KIRREL3: variants seen among roughly 807,000 people sequenced by gnomAD.
KIRREL3 encodes the protein kin of IRRE-like protein 3.
Under a neutral mutation model 89.7 loss-of-function variants are expected in KIRREL3, and 36 were observed. That is an observed-to-expected ratio of 0.40 (90% CI 0.31 to 0.53). The LOEUF (loss-of-function observed/expected upper bound fraction) is 0.53. Ranked by LOEUF, KIRREL3 falls within the 20% of genes least tolerant of loss-of-function variation. The probability of loss-of-function intolerance (pLI) is 0.49; values close to 1 mark genes in which losing one functional copy is unlikely to be tolerated. For synonymous variants in KIRREL3, 445 were observed against 441.4 expected (o/e 1.01, Z -0.10); for missense variants, 864 against 1,056.6 (o/e 0.82, Z 2.53).
intron 5 of KIRREL3, among the ~76,000 whole-genome samples, chr11:126,468,950 A>G (rs1405811687): frequency 2.6e-5 from 4 of 152,166 alleles, no homozygotes; most frequent in Non-Finnish European, 5.9e-5. Flanking sequence ...ATGTCTGCAT[A>G]TGGGAAACGC....
At chr11:126,957,438 A>T (rs1948955931) in intron 1 of KIRREL3, among the ~76,000 whole-genome samples, 1 of 152,196 alleles carries the variant, frequency 6.6e-6, no homozygotes, top group South Asian at 2.1e-4. Flanking sequence ...ATTGTTGAGT[A>T]TTAATATTTA....
chr11:126,566,264 A>G lies in KIRREL3; in HGVS notation c.56-3352T>C, dbSNP rs944612582. On this transcript the variant is annotated intron_variant, in intron 1 of 16. Transcript: ENST00000525144. This position sits in a 1 kb window ranked among gnomAD's most constrained non-coding sequence, Gnocchi z 4.9. ...CCAGGAACAAGGAAGGTTTAGGAAT[A>G]CCACCTGTGCAAGGAAAAATGGATT... Among the ~76,000 whole-genome samples the G allele has an allele frequency of 9.2e-5, 14 of 152,304 alleles. No homozygotes were observed. The South Asian group carries it at 2.7e-3, about 29-fold the overall frequency.
At chr11:126,713,306 G>T (rs1253575688) in intron 1 of KIRREL3, among the ~76,000 whole-genome samples, 3 of 152,236 alleles carry the variant, frequency 2.0e-5, no homozygotes, top group African/African-American at 7.2e-5. Context: ...TTAGGAAGTA[G>T]CGGACAATAG....
rs910775631 is a variant in KIRREL3, at chr11:126,544,077, A to T, written c.134-17390T>A. ...AGGACAACTCTATTTTCCAGCATGG[A>T]GTGCCCCTGGAGGTGGCGACAGCTC... On this transcript the variant is annotated intron_variant, in intron 2 of 16. Coordinates refer to ENST00000525144, the MANE Select transcript of KIRREL3 (RefSeq NM_032531.4). This position sits in a 1 kb window ranked among gnomAD's most constrained non-coding sequence, Gnocchi z 5.6. The T allele has an allele frequency of 6.6e-5, 10 of 152,284 alleles. No individual in the cohort carries two copies. The allele number at this position is 152,284 out of a possible 1,614,324, so 9.4% of individuals were successfully genotyped here.
chr11:126,667,757 A>G, intron 1 of KIRREL3, among the ~76,000 whole-genome samples: 1 of 152,278 alleles, frequency 6.6e-6, no homozygotes, highest in Admixed American at 6.5e-5. Flanking sequence ...GTGTAGAGGC[A>G]CTAATTTAAG....
chr11:126,897,221 G>T lies in KIRREL3; in HGVS notation c.55+103234C>A, dbSNP rs912244311. ...CAATTTGGCCCCAGGACACCAGGTT[G>T]GTGGCAGAACCTGCTGAGTGTTTTC... On this transcript the variant is annotated intron_variant, in intron 1 of 16. Transcript: ENST00000525144. The surrounding 1 kb of genome is among the most constrained non-coding windows in gnomAD (Gnocchi z 4.2). Among the ~76,000 whole-genome samples, 1 of 152,116 alleles carries T rather than the reference G, an allele frequency of 6.6e-6. No homozygotes were observed. The highest frequency in any genetic ancestry group is 1.5e-5 in the Non-Finnish European group (1 of 68,026).
chr11:126,680,373 A>G (rs1591947782), intron 1 of KIRREL3, among the ~76,000 whole-genome samples: 1 of 151,192 alleles, frequency 6.6e-6, no homozygotes, highest in Admixed American at 6.6e-5. Flanking sequence ...CATTAGCCCA[A>G]TGCTCATCAA....
At chr11:126,649,061 T>C (rs540855736) in intron 1 of KIRREL3, among the ~76,000 whole-genome samples, 7 of 152,070 alleles carry the variant, frequency 4.6e-5, no homozygotes, top group African/African-American at 1.7e-4. Context: ...AAGAGAAAAA[T>C]GAGGAAAATG....
intron 7 of KIRREL3, among the ~76,000 whole-genome samples, chr11:126,453,539 T>C (rs923930415): frequency 6.6e-6 from 1 of 152,244 alleles, no homozygotes; most frequent in Non-Finnish European, 1.5e-5. Flanking sequence ...TGTACTTATG[T>C]GATGAGATTT....
chr11:126,929,558 C>A (rs1221220525), intron 1 of KIRREL3, among the ~76,000 whole-genome samples: 3 of 152,048 alleles, frequency 2.0e-5, no homozygotes, highest in Non-Finnish European at 4.4e-5. Flanking sequence ...TACCAAAAGC[C>A]AAATAAGACC....
At position 126,485,729 on chromosome 11, in the gene KIRREL3, G is replaced by A. The variant is rs1248096512; in HGVS notation, c.434-12263C>T. ...TGGGCTTGTTTCCACCTCTTGTTCT[G>A]CTATTACCTTGTTCCATGCCCAGCC... On this transcript the variant is annotated intron_variant, in intron 4 of 16. Transcript: ENST00000525144. The surrounding 1 kb of genome is among the most constrained non-coding windows in gnomAD (Gnocchi z 5.8). 1.3e-5 allele frequency among the ~76,000 whole-genome samples: 2 copies of A among 152,224 alleles called. No homozygotes were observed. The highest frequency in any genetic ancestry group is 4.8e-5 in the African/African-American group (2 of 41,458).
chr11:126,512,371 G>A (rs1390171389), intron 4 of KIRREL3, among the ~76,000 whole-genome samples: 1 of 152,234 alleles, frequency 6.6e-6, no homozygotes, highest in Non-Finnish European at 1.5e-5. Flanking sequence ...CCTTATGATT[G>A]GCACATAAAT....
rs1357340317 is a variant in KIRREL3 at position 126,900,392 on chromosome 11, C to A, written c.55+100063G>T. Reference sequence around the variant, plus strand: ...CAGAGAAGTCTAGAAATAGAAATAACAAACACAAAAAAGAAAGCCTGCATG... The same window carrying A: ...CAGAGAAGTCTAGAAATAGAAATAAAAAACACAAAAAAGAAAGCCTGCATG... On this transcript the variant is annotated intron_variant, in intron 1 of 16. Transcript: ENST00000525144. The surrounding 1 kb of genome is among the most constrained non-coding windows in gnomAD (Gnocchi z 4.4). 6.6e-6 allele frequency among the ~76,000 whole-genome samples: 1 copy of A among 152,126 alleles called. No individual in the cohort carries two copies. The highest frequency in any genetic ancestry group is 1.5e-5 in the Non-Finnish European group (1 of 68,018).
rs1038579402 is a variant in KIRREL3, at chr11:126,459,096, G to A, written c.743-2642C>T. 3.3e-5 allele frequency among the ~76,000 whole-genome samples: 5 copies of A among 152,230 alleles called. No homozygotes were observed. The South Asian group carries it at 6.2e-4, about 19-fold the overall frequency. ...CCGGATCCAAACGCATTGCTGGCCC[G>A]TGCCCTCGCATTATAAAGGCCAACG... On this transcript the variant is annotated intron_variant, in intron 6 of 16. Transcript: ENST00000525144. The surrounding 1 kb of genome is among the most constrained non-coding windows in gnomAD (Gnocchi z 4.8).
At position 126,876,819 on chromosome 11, in the gene KIRREL3, G is replaced by A. The variant is rs1478125000; in HGVS notation, c.55+123636C>T. 6.6e-6 allele frequency among the ~76,000 whole-genome samples: 1 copy of A among 152,188 alleles called. No individual in the cohort carries two copies. The highest frequency in any genetic ancestry group is 1.5e-5 in the Non-Finnish European group (1 of 68,042). ...CGAAGTGCTAGGATTACAGGCGTGA[G>A]CCACCGTGCCTGGCCATAAATATGT... On this transcript the variant is annotated intron_variant, in intron 1 of 16. Transcript: ENST00000525144. The surrounding 1 kb of genome is among the most constrained non-coding windows in gnomAD (Gnocchi z 4.1).
chr11:126,906,985 A>AATCCTTAGT lies in KIRREL3; in HGVS notation c.55+93461_55+93469dup, dbSNP rs1946614275. On this transcript the variant is annotated intron_variant, in intron 1 of 16. Coordinates refer to ENST00000525144, the MANE Select transcript of KIRREL3 (RefSeq NM_032531.4). This position sits in a 1 kb window ranked among gnomAD's most constrained non-coding sequence, Gnocchi z 4.1. ...CAGGAGGGAAGCAGACCTAGGAAGG[A>AATCCTTAGT]ATCCTTAGTTTCCTTTTGTTGTACA... Among the ~76,000 whole-genome samples, 1 of 152,220 alleles carries AATCCTTAGT rather than the reference A, an allele frequency of 6.6e-6. No homozygotes were observed. The highest frequency in any genetic ancestry group is 1.5e-5 in the Non-Finnish European group (1 of 68,038).
chr11:126,435,244 C>T lies in KIRREL3; in HGVS notation c.1588+24G>A, dbSNP rs780725359. On this transcript the variant is annotated intron_variant, in intron 13 of 16. Transcript: ENST00000525144. ...AAGTCCCTTCCCCCCTTCCCAGGGC[C>T]ATTCTCATCATCTCCTTCCGTACCT... 3.1e-6 allele frequency: 5 copies of T among 1,613,198 alleles called. No homozygotes were observed. In the Admixed American group the frequency reaches 5.0e-5, roughly 16 times the overall value.
chr11:127,002,078 C>A (rs556144453), upstream of KIRREL3, among the ~76,000 whole-genome samples: 2 of 152,276 alleles, frequency 1.3e-5, no homozygotes, highest in South Asian at 4.1e-4. Context: ...CTGCTCACTA[C>A]AAGGCACATT....
At chr11:126,722,540 A>C (rs1404782399) in intron 1 of KIRREL3, among the ~76,000 whole-genome samples, 1 of 152,290 alleles carries the variant, frequency 6.6e-6, no homozygotes. Context: ...ATTAGAACAC[A>C]GACATGCTTA....
Sources: gnomAD v4.1 joint callset for allele counts (sites outside exome capture counted in the v4.1 genomes callset) on GRCh38, gnomAD v4.1.1 for gene constraint, Gnocchi (gnomAD v3.1) non-coding constraint, MANE v1.5 for transcripts, NCBI Gene and HGNC (gene_info 2026-07-23, HGNC 2026-07-21) for gene names.